GALK2: variants seen among roughly 807,000 people sequenced by gnomAD.
GALK2 encodes galactokinase 2.
GALK2 carries 36 observed loss-of-function variants against 52.4 expected under a neutral mutation model. That is an observed-to-expected ratio of 0.69 (90% CI 0.53 to 0.91). GALK2 has a LOEUF of 0.91. Among genes scored for constraint, GALK2 ranks in the 40% least tolerant of loss-of-function variants. GALK2 has a pLI of 0.00. For missense variants in GALK2, 579 were observed against 559.1 expected, an observed-to-expected ratio of 1.04 and a Z score of -0.36; for synonymous variants, 176 against 199.1, an observed-to-expected ratio of 0.88 and a Z score of 0.98.
At chr15:49,224,996 A>G (rs2090046373) in intron 3 of GALK2, among the ~76,000 whole-genome samples, 1 of 152,140 alleles carries the variant, frequency 6.6e-6, no homozygotes, top group Non-Finnish European at 1.5e-5. Flanking sequence ...TTAATTTGGG[A>G]TGTGATCCAG....
Position 49,257,645 on chromosome 15 carries a change from T to C in GALK2, c.504+18278T>C, listed in dbSNP as rs570506984. Among the ~76,000 whole-genome samples the C allele has an allele frequency of 2.6e-5, 4 of 152,252 alleles. No individual in the cohort carries two copies. In the South Asian group the frequency reaches 8.3e-4, roughly 32 times the overall value. ...TGTTGTAGTTAAAAATTATAAATAT[T>C]GACTGAACACAATGGCAGTGAGAAT... On this transcript the variant is annotated intron_variant, in intron 5 of 9. Transcript: ENST00000560031.
At chr15:49,242,112 T>A (rs2091124022) in intron 5 of GALK2, among the ~76,000 whole-genome samples, 1 of 152,202 alleles carries the variant, frequency 6.6e-6, no homozygotes, top group Admixed American at 6.5e-5. Context: ...GTGATTTTAC[T>A]CTTGTAAAAA....
intron 3 of GALK2, among the ~76,000 whole-genome samples, chr15:49,367,080 T>C (rs2045342435): frequency 6.6e-6 from 1 of 152,332 alleles, no homozygotes; most frequent in East Asian, 1.9e-4. Flanking sequence ...AGCTAAAACA[T>C]GCCTAAAACT....
At chr15:49,182,606 A>G (rs1371607309) in intron 1 of GALK2, among the ~76,000 whole-genome samples, 1 of 152,126 alleles carries the variant, frequency 6.6e-6, no homozygotes, top group East Asian at 1.9e-4. Context: ...CATTTCCACC[A>G]ACAGTGTATG....
At chr15:49,286,720 A>G (rs1391567985) in intron 7 of GALK2, among the ~76,000 whole-genome samples, 2 of 152,188 alleles carry the variant, frequency 1.3e-5, no homozygotes, top group South Asian at 2.1e-4. Flanking sequence ...TTTAATATCA[A>G]GGGTTCAATG....
At chr15:49,238,024 T>C (rs1261218660) in intron 4 of GALK2, among the ~76,000 whole-genome samples, 1 of 152,188 alleles carries the variant, frequency 6.6e-6, no homozygotes, top group African/African-American at 2.4e-5. Context: ...AGAATTTTGC[T>C]AGCTAGGACA....
At chr15:49,180,996 C>T (rs1035204870) in intron 1 of GALK2, among the ~76,000 whole-genome samples, 2 of 152,074 alleles carry the variant, frequency 1.3e-5, no homozygotes, top group East Asian at 1.9e-4. Context: ...TTTTGGCTTA[C>T]CTATTTTCCT....
intron 1 of GALK2, among the ~76,000 whole-genome samples, chr15:49,187,600 T>C (rs1207577489): frequency 6.6e-6 from 1 of 152,162 alleles, no homozygotes; most frequent in East Asian, 1.9e-4. Context: ...ATCTACTTGG[T>C]GCTCTATTCC....
At chr15:49,168,524 G>A (rs2084899601), upstream of GALK2, among the ~76,000 whole-genome samples, 1 of 152,124 alleles carries the variant, frequency 6.6e-6, no homozygotes, top group East Asian at 1.9e-4. Context: ...CTCGAGACCA[G>A]CCTGCCCAGC....
At chr15:49,332,662 C>T (rs117275457), downstream of GALK2, among the ~76,000 whole-genome samples, 1,147 of 152,324 alleles carry the variant, frequency 7.5e-3, 6 homozygotes, top group Non-Finnish European at 0.012. Flanking sequence ...CTATTAATTT[C>T]ACTGGCAATT....
intron 5 of GALK2, 118 bp downstream of exon 5, chr15:49,239,485 A>G: frequency 1.1e-6 from 1 of 902,758 alleles, no homozygotes; most frequent in Non-Finnish European, 1.7e-6. Flanking sequence ...AGGACTGCAC[A>G]TGTGGGCAAG....
chr15:49,265,077 T>C (rs967033525), intron 5 of GALK2, among the ~76,000 whole-genome samples: 15 of 152,264 alleles, frequency 9.9e-5, no homozygotes, highest in Admixed American at 7.8e-4. Context: ...TCCAGCTGCG[T>C]GCTGGGAGAA....
chr15:49,201,911 A>G (rs1314092943), intron 2 of GALK2, among the ~76,000 whole-genome samples: 2 of 152,178 alleles, frequency 1.3e-5, no homozygotes, highest in African/African-American at 2.4e-5. Flanking sequence ...GGGGTAATTT[A>G]TCAACAATAG....
chr15:49,333,428 ACT>A (rs1411320639), downstream of GALK2, among the ~76,000 whole-genome samples: 1 of 152,110 alleles, frequency 6.6e-6, no homozygotes, highest in East Asian at 1.9e-4. Context: ...CTTGTGAGTT[ACT>A]CTGAGAATTG....
chr15:49,303,384 T>C (rs1201786735), intron 8 of GALK2, among the ~76,000 whole-genome samples: 1 of 152,142 alleles, frequency 6.6e-6, no homozygotes, highest in East Asian at 1.9e-4. Context: ...GTGATTTGTG[T>C]TGTGTGTTGG....
intron 8 of GALK2, chr15:49,318,301 C>G (rs1041977346): frequency 6.6e-6 from 1 of 152,038 alleles, no homozygotes; most frequent in African/African-American, 2.4e-5. Context: ...TGTGGGTAAT[C>G]TGGAAAATAC....
chr15:49,336,294 G>C (rs2039702195), downstream of GALK2, among the ~76,000 whole-genome samples: 1 of 152,210 alleles, frequency 6.6e-6, no homozygotes, highest in Non-Finnish European at 1.5e-5. Context: ...TCTGTTTCTG[G>C]TGCAGTCTGT....
At chr15:49,271,897 T>C (rs2030705166) in intron 5 of GALK2, among the ~76,000 whole-genome samples, 1 of 152,256 alleles carries the variant, frequency 6.6e-6, no homozygotes, top group South Asian at 2.1e-4. Flanking sequence ...CCTCAGGCCA[T>C]CCAGCAACGT....
chr15:49,359,288 A>G (rs961502184), intron 3 of GALK2, among the ~76,000 whole-genome samples: 2 of 131,030 alleles, frequency 1.5e-5, no homozygotes, highest in Non-Finnish European at 3.4e-5. Context: ...AACTACCATC[A>G]GAGTGAACAG....
Sources: gnomAD v4.1 joint callset for allele counts (sites outside exome capture counted in the v4.1 genomes callset) on GRCh38, gnomAD v4.1.1 for gene constraint, MANE v1.5 for transcripts, NCBI Gene and HGNC (gene_info 2026-07-23, HGNC 2026-07-21) for gene names.